The following CNTN5 variants were observed in gnomAD, a reference collection of about 807,000 sequenced individuals.
The protein encoded by CNTN5 is contactin-5.
Under a neutral mutation model 129.1 loss-of-function variants are expected in CNTN5, and 77 were observed. The ratio of observed to expected loss-of-function variants is 0.60; its 90% CI spans 0.50 to 0.72. CNTN5 has a LOEUF of 0.72. CNTN5 is among the 30% of genes least tolerant of loss of function. The pLI, the probability that CNTN5 is intolerant of heterozygous loss-of-function variation, is 0.00. For synonymous variants in CNTN5, 509 were observed against 465.6 expected (o/e 1.09, Z -1.20); for missense variants, 1,478 against 1,328.8 (o/e 1.11, Z -1.75).
At chr11:100,247,560 A>T (rs1023066020) in intron 16 of CNTN5, among the ~76,000 whole-genome samples, 5 of 152,084 alleles carry the variant, frequency 3.3e-5, no homozygotes, top group Non-Finnish European at 5.9e-5. Flanking sequence ...TAAAGAAGGA[A>T]TGACCCAATC....
intron 21 of CNTN5, among the ~76,000 whole-genome samples, chr11:100,336,020 G>A (rs1263852948): frequency 6.6e-6 from 1 of 152,126 alleles, no homozygotes; most frequent in Non-Finnish European, 1.5e-5. Context: ...TTGAACAGCA[G>A]GGGAGCTCTC....
intron 24 of CNTN5, among the ~76,000 whole-genome samples, chr11:100,351,866 G>A (rs979142453): frequency 1.6e-4 from 24 of 151,280 alleles, no homozygotes; most frequent in South Asian, 6.2e-4. Context: ...GTTATTTAAC[G>A]TATTTATCAA....
chr11:100,236,299 A>G (rs1282050658), intron 16 of CNTN5, among the ~76,000 whole-genome samples: 2 of 152,020 alleles, frequency 1.3e-5, no homozygotes, highest in Admixed American at 6.6e-5. Context: ...GCTCTGAGAG[A>G]GAGGACTGTG....
At chr11:99,193,306 G>C (rs1350969497) in intron 1 of CNTN5, among the ~76,000 whole-genome samples, 2 of 152,108 alleles carry the variant, frequency 1.3e-5, no homozygotes, top group East Asian at 3.8e-4. Flanking sequence ...AAAATAAAGT[G>C]AGAATGTAAA....
Position 99,721,413 on chromosome 11 carries a change from G to A in CNTN5, c.56-98131G>A, listed in dbSNP as rs749566483. On this transcript the variant is annotated intron_variant, in intron 3 of 24. Transcript: ENST00000524871. ...CCCCCTATTGAATAAATGGTGCTTG[G>A]ATGACTGGCTAGCCATATGCAGAAG... Among the ~76,000 whole-genome samples, 176 of 152,240 alleles carry A rather than the reference G, an allele frequency of 1.2e-3. 1 individual carries two copies. The highest frequency in any genetic ancestry group is 0.01 in the Middle Eastern group (3 of 294).
At chr11:99,788,325 C>G (rs997153054) in intron 3 of CNTN5, among the ~76,000 whole-genome samples, 1 of 151,746 alleles carries the variant, frequency 6.6e-6, no homozygotes, top group Admixed American at 6.6e-5. Context: ...CTGTGGAGGG[C>G]ATTTCAAAAA....
At chr11:99,987,892 T>C (rs1285402475) in intron 8 of CNTN5, among the ~76,000 whole-genome samples, 3 of 152,190 alleles carry the variant, frequency 2.0e-5, no homozygotes, top group African/African-American at 7.2e-5. Flanking sequence ...GTATCTACCT[T>C]ACTGTGTTTT....
intron 1 of CNTN5, among the ~76,000 whole-genome samples, chr11:99,114,571 T>A (rs1203939588): frequency 6.6e-6 from 1 of 152,142 alleles, no homozygotes; most frequent in Non-Finnish European, 1.5e-5. Context: ...TATAGAAGTA[T>A]CATTTTTATT....
chr11:99,097,981 G>C (rs1866554888), intron 1 of CNTN5, among the ~76,000 whole-genome samples: 1 of 151,838 alleles, frequency 6.6e-6, no homozygotes, highest in South Asian at 2.1e-4. Context: ...TATAATTTCT[G>C]AGCGAAAAAA....
intron 9 of CNTN5, among the ~76,000 whole-genome samples, chr11:100,055,130 C>G (rs1167871440): frequency 2.0e-5 from 3 of 149,958 alleles, no homozygotes; most frequent in African/African-American, 7.3e-5. Flanking sequence ...TGCTATATAC[C>G]TCATTTGTTT....
At chr11:99,142,472 G>A (rs1038077023) in intron 1 of CNTN5, among the ~76,000 whole-genome samples, 1 of 152,088 alleles carries the variant, frequency 6.6e-6, no homozygotes, top group African/African-American at 2.4e-5. Context: ...GTCTGCTGGT[G>A]TAGGAGCTAT....
At chr11:100,347,010 C>T (rs996078654) in intron 23 of CNTN5, among the ~76,000 whole-genome samples, 10 of 152,026 alleles carry the variant, frequency 6.6e-5, no homozygotes, top group South Asian at 2.1e-4. Context: ...GAGAATAGCA[C>T]GGGAAAGACC....
At chr11:99,171,644 C>T (rs1861153852) in intron 1 of CNTN5, among the ~76,000 whole-genome samples, 1 of 152,112 alleles carries the variant, frequency 6.6e-6, no homozygotes, top group Non-Finnish European at 1.5e-5. Context: ...ATTACTAATG[C>T]CTACTGAATC....
intron 16 of CNTN5, among the ~76,000 whole-genome samples, chr11:100,255,531 G>A (rs2138725478): frequency 6.6e-6 from 1 of 152,182 alleles, no homozygotes; most frequent in East Asian, 1.9e-4. Flanking sequence ...ATTGGTAACT[G>A]CCTCTGGGCA....
At chr11:99,956,072 G>A (rs961143239) in intron 7 of CNTN5, among the ~76,000 whole-genome samples, 6 of 151,818 alleles carry the variant, frequency 4.0e-5, no homozygotes, top group Non-Finnish European at 7.4e-5. Context: ...TGTTTAGTTA[G>A]GCTGGGATGA....
chr11:99,815,742 G>A (rs1326339658), intron 3 of CNTN5, among the ~76,000 whole-genome samples: 1 of 152,116 alleles, frequency 6.6e-6, no homozygotes, highest in Non-Finnish European at 1.5e-5. Flanking sequence ...CACTTGAATT[G>A]ATTTAACAAA....
chr11:99,159,206 T>C (rs1274667665), intron 1 of CNTN5, among the ~76,000 whole-genome samples: 1 of 152,204 alleles, frequency 6.6e-6, no homozygotes, highest in Non-Finnish European at 1.5e-5. Context: ...CTGAAGAGCT[T>C]AGATTCAAGT....
chr11:100,029,707 C>T (rs750056560), intron 9 of CNTN5, among the ~76,000 whole-genome samples: 1 of 152,124 alleles, frequency 6.6e-6, no homozygotes, highest in African/African-American at 2.4e-5. Flanking sequence ...TATTCTACCC[C>T]TTACATGAAA....
At chr11:99,034,271 A>T (rs1412835316) in intron 1 of CNTN5, among the ~76,000 whole-genome samples, 2 of 152,150 alleles carry the variant, frequency 1.3e-5, no homozygotes, top group South Asian at 2.1e-4. Flanking sequence ...TATCAGGATG[A>T]TGCTGGCCTC....
Sources: allele counts gnomAD v4.1 joint callset (sites outside exome capture counted in the v4.1 genomes callset), GRCh38; gene constraint gnomAD v4.1.1; transcripts MANE v1.5; gene names NCBI Gene and HGNC (gene_info 2026-07-23, HGNC 2026-07-21).